SLC6A4: variants seen among roughly 807,000 people sequenced by gnomAD.
SLC6A4 encodes the protein sodium-dependent serotonin transporter.
In SLC6A4, 22 loss-of-function variants were observed where a neutral mutation model predicts 73.4. That is an observed-to-expected ratio of 0.30 (90% confidence interval 0.21 to 0.43). The LOEUF (loss-of-function observed/expected upper bound fraction) is 0.43, where lower values mean the gene tolerates loss of function less well. Ranked by LOEUF, SLC6A4 falls within the 20% of genes least tolerant of loss-of-function variation. The pLI, the probability that SLC6A4 is intolerant of heterozygous loss-of-function variation, is 1.00. For synonymous variants in SLC6A4, 270 were observed against 315.5 expected, an observed-to-expected ratio of 0.86 and a Z score of 1.53; for missense variants, 593 against 808.5, an observed-to-expected ratio of 0.73 and a Z score of 3.23.
chr17:30,208,709 C>T (rs998428835), intron 12 of SLC6A4, among the ~76,000 whole-genome samples: 2 of 152,086 alleles, frequency 1.3e-5, no homozygotes, highest in African/African-American at 2.4e-5. Context: ...TTGTTTGTTT[C>T]GAGACAGACT....
At chr17:30,214,138 T>C (rs920976986) in intron 8 of SLC6A4, among the ~76,000 whole-genome samples, 4 of 152,110 alleles carry the variant, frequency 2.6e-5, no homozygotes, top group African/African-American at 9.7e-5. Context: ...ATTATGGCAT[T>C]TTGGCTGGGC....
rs1037755790 is a variant in SLC6A4, at chr17:30,211,602, C to G, written c.1205-178G>C. 1.3e-5 allele frequency among the ~76,000 whole-genome samples: 2 copies of G among 152,220 alleles called. No individual in the cohort carries two copies. Among genetic ancestry groups the G allele is most frequent in the African/African-American group, 4.8e-5 (2 of 41,456 alleles). On this transcript the variant is annotated intron_variant, in intron 9 of 14. Transcript: ENST00000650711. The surrounding 1 kb of genome is among the most constrained non-coding windows in gnomAD (Gnocchi z 4.0). ...ACTCTACTCCGTCTGACGTGGCCAC[C>G]CCAGTTCCTGGGAGGCAGGAAGGGT...
intron 14 of SLC6A4, among the ~76,000 whole-genome samples, chr17:30,200,153 C>T (rs180889332): frequency 3.3e-5 from 5 of 152,332 alleles, no homozygotes; most frequent in East Asian, 3.9e-4. Context: ...CCGCAATGAA[C>T]GACGTCATAA....
rs1597632598 is a variant in SLC6A4, at chr17:30,203,098, T to C, written c.1818+74A>G. The C allele has an allele frequency of 3.7e-5, 46 of 1,250,450 alleles. No homozygotes were observed. The South Asian group carries it at 5.6e-4, about 15-fold the overall frequency. 77.5% of individuals were successfully genotyped at this position (1,250,450 alleles called of 1,614,324 possible). On this transcript the variant is annotated intron_variant, in intron 14 of 14. Transcript: ENST00000650711. The stretch of plus-strand genomic sequence containing the variant: ...GGTGAATCTCATTTTGAATAGAGCA[T>C]AACAAGATAATCCTTTTCTCCCAAA...
At chr17:30,220,244 C>T (rs1473203611) in intron 3 of SLC6A4, among the ~76,000 whole-genome samples, 2 of 152,156 alleles carry the variant, frequency 1.3e-5, no homozygotes, top group African/African-American at 4.8e-5. Context: ...TGTAGCTGCC[C>T]TCCCAAATCT....
At chr17:30,199,091 C>A (rs996833925) in intron 14 of SLC6A4, among the ~76,000 whole-genome samples, 1 of 152,130 alleles carries the variant, frequency 6.6e-6, no homozygotes, top group Admixed American at 6.5e-5. Context: ...CATAGTTAAA[C>A]TGTAAAAGAT....
At chr17:30,221,381 A>T (rs1163775461) in intron 3 of SLC6A4, among the ~76,000 whole-genome samples, 1 of 151,918 alleles carries the variant, frequency 6.6e-6, no homozygotes, top group East Asian at 1.9e-4. Flanking sequence ...TCTCAAGAGG[A>T]CCTACAGCCC....
At position 30,217,220 on chromosome 17, in the gene SLC6A4, C is replaced by A; in HGVS notation, c.783G>T (p.Leu261=). The A allele has an allele frequency of 2.5e-6, 4 of 1,614,136 alleles. No individual in the cohort carries two copies. The highest frequency in any genetic ancestry group is 3.4e-6 in the Non-Finnish European group (4 of 1,179,982). The change falls in exon 6 of 15, where the codon CTG becomes CTT. Residue 261 remains leucine, a synonymous_variant. Coordinates refer to ENST00000650711, the MANE Select transcript of SLC6A4 (RefSeq NM_001045.6). Reference sequence around the variant, plus strand: ...TGCTGAAGTAGATAACAGTGAAGATCAGCATGATGCAGAGGGCCAGCTGCC... The same window carrying A: ...TGCTGAAGTAGATAACAGTGAAGATAAGCATGATGCAGAGGGCCAGCTGCC... ...ISWQLALCIM[L]IFTVIYFSIW...
chr17:30,217,067 G>T, intron 6 of SLC6A4, 99 bp downstream of exon 6: 1 of 1,033,414 alleles, frequency 9.7e-7, no homozygotes, highest in African/African-American at 1.6e-5. Flanking sequence ...TGTTTGGTGT[G>T]GAAGGAAACA....
Position 30,216,007 on chromosome 17 carries a change from T to C in SLC6A4, c.972+75A>G, listed in dbSNP as rs1906560010. On this transcript the variant is annotated intron_variant, in intron 7 of 14. Transcript: ENST00000650711. ...GAAGCCACATTTCAGTTGTCCCTACTGTCCTATTTGGAGGAGGACCAGCTT... is the reference window on the plus strand; with the variant it reads ...GAAGCCACATTTCAGTTGTCCCTACCGTCCTATTTGGAGGAGGACCAGCTT... 6.8e-6 allele frequency: 9 copies of C among 1,329,116 alleles called. No individual in the cohort carries two copies. In the Admixed American group the frequency reaches 1.5e-4, roughly 22 times the overall value. The allele number at this position is 1,329,116 out of a possible 1,614,324, so 82.3% of individuals were successfully genotyped here. A position where few individuals can be genotyped will look rare whatever the true frequency, so the allele number is the denominator to read the frequency against.
chr17:30,221,215 G>A (rs1000433300), intron 3 of SLC6A4, among the ~76,000 whole-genome samples: 1 of 151,976 alleles, frequency 6.6e-6, no homozygotes, highest in Non-Finnish European at 1.5e-5. Context: ...GACCTCAGGT[G>A]ATCCACCTGC....
intron 3 of SLC6A4, 114 bp from the exon 4 acceptor site, chr17:30,219,045 C>G (rs1180606815): frequency 1.5e-6 from 2 of 1,302,588 alleles, no homozygotes; most frequent in East Asian, 4.7e-5. Flanking sequence ...AGGAGCCACC[C>G]TGGGCTGAGT....
At chr17:30,227,517 G>T (rs938035855) in intron 1 of SLC6A4, among the ~76,000 whole-genome samples, 10 of 152,054 alleles carry the variant, frequency 6.6e-5, no homozygotes, top group African/African-American at 2.4e-4. Flanking sequence ...ACAGAGTCTT[G>T]CACTGTCATC....
At chr17:30,215,463 C>G in intron 8 of SLC6A4, 148 bp downstream of exon 8, 1 of 680,576 alleles carries the variant, frequency 1.5e-6, no homozygotes, top group Non-Finnish European at 2.6e-6. Context: ...GTGAGCTGGT[C>G]AGGGGCCTGC....
intron 1 of SLC6A4, among the ~76,000 whole-genome samples, chr17:30,234,559 C>T (rs141303113): frequency 3.3e-5 from 5 of 152,286 alleles, no homozygotes; most frequent in Admixed American, 6.5e-5. Flanking sequence ...GTGCTCCCTA[C>T]GCTCCTAAAA....
At chr17:30,199,893 C>T (rs1024346040) in intron 14 of SLC6A4, among the ~76,000 whole-genome samples, 1 of 151,466 alleles carries the variant, frequency 6.6e-6, no homozygotes, top group African/African-American at 2.4e-5. Flanking sequence ...ATCACTATAA[C>T]GAGTCCTTTT....
chr17:30,199,087 T>TA (rs1183498419), intron 14 of SLC6A4, among the ~76,000 whole-genome samples: 1 of 152,204 alleles, frequency 6.6e-6, no homozygotes, highest in Non-Finnish European at 1.5e-5. Flanking sequence ...ATCACATAGT[T>TA]AAACTGTAAA....
chr17:30,220,937 G>A (rs1245132734), intron 3 of SLC6A4, among the ~76,000 whole-genome samples: 3 of 150,502 alleles, frequency 2.0e-5, no homozygotes, highest in Admixed American at 6.6e-5. Context: ...CCTCAGACAC[G>A]CTGTCTTCAG....
chr17:30,227,773 C>T (rs1468779156), intron 1 of SLC6A4, among the ~76,000 whole-genome samples: 2 of 152,202 alleles, frequency 1.3e-5, no homozygotes, highest in Non-Finnish European at 2.9e-5. Flanking sequence ...CAGGCATGAT[C>T]CACTGCACCC....
Sources: gnomAD v4.1 joint callset for allele counts (sites outside exome capture counted in the v4.1 genomes callset) on GRCh38, gnomAD v4.1.1 for gene constraint, Gnocchi (gnomAD v3.1) non-coding constraint, MANE v1.5 for transcripts, NCBI Gene and HGNC (gene_info 2026-07-23, HGNC 2026-07-21) for gene names.